BCKDHB: variants seen among roughly 807,000 people sequenced by gnomAD.
The protein encoded by BCKDHB is 2-oxoisovalerate dehydrogenase subunit beta, mitochondrial.
In BCKDHB, 41 loss-of-function variants were observed where a neutral mutation model predicts 48.5. That is an observed-to-expected ratio of 0.85 (90% CI 0.66 to 1.10). The LOEUF (loss-of-function observed/expected upper bound fraction) is 1.10. Ranked by LOEUF, BCKDHB falls within the 50% of genes least tolerant of loss-of-function variation. BCKDHB has a pLI of 0.00. For missense variants in BCKDHB, 496 were observed against 494.2 expected, an observed-to-expected ratio of 1.00 and a Z score of -0.03; for synonymous variants, 201 against 174.8, an observed-to-expected ratio of 1.15 and a Z score of -1.18.
rs182240286 is a variant in BCKDHB, at chr6:80,256,165, C to T, written c.952-16970C>T. ...GTTATTTAACTTCCTCTCTTAATGT[C>T]ACATTTATATGTATTGGCATGTTTC... On this transcript the variant is annotated intron_variant, in intron 8 of 9. Transcript: ENST00000320393. Among the ~76,000 whole-genome samples the T allele has an allele frequency of 8.5e-5, 13 of 152,194 alleles. No homozygotes were observed. The East Asian group carries it at 1.4e-3, about 16-fold the overall frequency.
chr6:80,254,432 A>G (rs1191778012), intron 8 of BCKDHB, among the ~76,000 whole-genome samples: 3 of 152,144 alleles, frequency 2.0e-5, no homozygotes, highest in African/African-American at 4.8e-5. Flanking sequence ...GCGATGGCTC[A>G]TGCCTGTAAT....
At chr6:80,133,687 G>C (rs777506738) in intron 3 of BCKDHB, among the ~76,000 whole-genome samples, 2 of 151,788 alleles carry the variant, frequency 1.3e-5, no homozygotes, top group Non-Finnish European at 2.9e-5. Flanking sequence ...CTGTCACCCA[G>C]GCTGGAGTGC....
chr6:80,317,929 A>G (rs921863480), intron 9 of BCKDHB, among the ~76,000 whole-genome samples: 1 of 151,966 alleles, frequency 6.6e-6, no homozygotes, highest in Non-Finnish European at 1.5e-5. Context: ...CTCTCCCTCT[A>G]CTTTCCTCCA....
chr6:80,289,739 A>G (rs653556), intron 9 of BCKDHB, among the ~76,000 whole-genome samples: 121,355 of 152,028 alleles, frequency 0.8, 48,622 homozygotes, highest in Admixed American at 0.87. Context: ...GTGTGAGCTG[A>G]CAGGGGCATC....
At chr6:80,410,352 C>T in the BCKDHB span, among the ~76,000 whole-genome samples, 4 of 152,110 alleles carry the variant, frequency 2.6e-5, no homozygotes, top group Non-Finnish European at 4.4e-5. Context: ...GTGGGTAACC[C>T]GACCTTTCTC....
At chr6:80,401,678 A>G in the BCKDHB span, among the ~76,000 whole-genome samples, 1 of 151,874 alleles carries the variant, frequency 6.6e-6, no homozygotes, top group Non-Finnish European at 1.5e-5. Context: ...TATTAGAGCT[A>G]CAGAATTTAT....
rs375225396 is a variant in BCKDHB, at chr6:80,194,894, C to T, written c.743-6040C>T. 2.6e-5 allele frequency among the ~76,000 whole-genome samples: 4 copies of T among 152,272 alleles called. No individual in the cohort carries two copies. In the East Asian group the frequency reaches 7.7e-4, roughly 29 times the overall value. On this transcript the variant is annotated intron_variant, in intron 6 of 9. Transcript: ENST00000320393. ...TTTGCCTTCCTTTTGCCATAATACTCAGTAAAACCTTGTCATGCTTATGGC... is the reference window on the plus strand; with the variant it reads ...TTTGCCTTCCTTTTGCCATAATACTTAGTAAAACCTTGTCATGCTTATGGC...
chr6:80,385,359 T>C, the BCKDHB span, among the ~76,000 whole-genome samples: 1 of 152,180 alleles, frequency 6.6e-6, no homozygotes, highest in Admixed American at 6.5e-5. Flanking sequence ...CCTCACCAGG[T>C]GTCTACTGTT....
chr6:80,166,678 A>G (rs1424278898), intron 3 of BCKDHB, among the ~76,000 whole-genome samples: 2 of 151,962 alleles, frequency 1.3e-5, no homozygotes, highest in Non-Finnish European at 2.9e-5. Context: ...AAATTCTAAC[A>G]TAAGAATTTT....
the BCKDHB span, among the ~76,000 whole-genome samples, chr6:80,407,440 C>T: frequency 6.6e-6 from 1 of 151,524 alleles, no homozygotes; most frequent in Admixed American, 6.6e-5. Context: ...CTATAAGTTA[C>T]CTTGGGCAGT....
chr6:80,308,625 C>T (rs1340108902), intron 9 of BCKDHB, among the ~76,000 whole-genome samples: 3 of 145,766 alleles, frequency 2.1e-5, no homozygotes, highest in South Asian at 2.1e-4. Flanking sequence ...GACGGAGTCT[C>T]GCTCTGTCGC....
At chr6:80,151,193 A>G (rs1771758129) in intron 3 of BCKDHB, among the ~76,000 whole-genome samples, 1 of 152,116 alleles carries the variant, frequency 6.6e-6, no homozygotes, top group Non-Finnish European at 1.5e-5. Context: ...CATCTTATTG[A>G]TGTGTTTTCT....
chr6:80,124,689 C>T (rs780598484), intron 1 of BCKDHB, among the ~76,000 whole-genome samples: 2 of 152,182 alleles, frequency 1.3e-5, no homozygotes, highest in Non-Finnish European at 2.9e-5. Context: ...TAATCTTATA[C>T]ATCTCCGTCA....
chr6:80,180,691 TATGA>T (rs1483030329), intron 6 of BCKDHB, among the ~76,000 whole-genome samples: 1 of 152,226 alleles, frequency 6.6e-6, no homozygotes, highest in Non-Finnish European at 1.5e-5. Flanking sequence ...ACTAATTGTG[TATGA>T]ATTCATATAT....
At chr6:80,228,480 G>A (rs1247422018) in intron 8 of BCKDHB, among the ~76,000 whole-genome samples, 1 of 152,092 alleles carries the variant, frequency 6.6e-6, no homozygotes, top group Non-Finnish European at 1.5e-5. Flanking sequence ...CAGTTCCTGG[G>A]GATTCTTGAA....
At chr6:80,370,808 G>A in the BCKDHB span, among the ~76,000 whole-genome samples, 8,895 of 139,542 alleles carry the variant, frequency 0.064, 391 homozygotes, top group South Asian at 0.18. Context: ...GTGTGTGTGT[G>A]TATATATATA....
the BCKDHB span, among the ~76,000 whole-genome samples, chr6:80,434,630 T>A: frequency 6.6e-6 from 1 of 152,236 alleles, no homozygotes; most frequent in Non-Finnish European, 1.5e-5. Flanking sequence ...GAAACCAGTT[T>A]AATCCCTTTG....
chr6:80,424,821 A>C, the BCKDHB span, among the ~76,000 whole-genome samples: 1 of 152,170 alleles, frequency 6.6e-6, no homozygotes, highest in African/African-American at 2.4e-5. Context: ...GGTTGACAGG[A>C]GGACTTTTCC....
chr6:80,426,784 G>A, the BCKDHB span, among the ~76,000 whole-genome samples: 1 of 152,056 alleles, frequency 6.6e-6, no homozygotes, highest in African/African-American at 2.4e-5. Context: ...CTGAAAAATT[G>A]TGTATTCTAC....
Sources: gnomAD v4.1 joint callset for allele counts (sites outside exome capture counted in the v4.1 genomes callset) on GRCh38, gnomAD v4.1.1 for gene constraint, MANE v1.5 for transcripts, NCBI Gene and HGNC (gene_info 2026-07-23, HGNC 2026-07-21) for gene names.